The following NKAIN2 variants were observed in gnomAD, a reference collection of about 807,000 sequenced individuals.
NKAIN2 encodes sodium/potassium transporting ATPase interacting 2.
A neutral mutation model predicts 32.6 loss-of-function variants in NKAIN2; 14 were observed. The ratio of observed to expected loss-of-function variants is 0.43; its 90% CI spans 0.28 to 0.67. The LOEUF (loss-of-function observed/expected upper bound fraction) is 0.67. Among genes scored for constraint, NKAIN2 ranks in the 30% least tolerant of loss-of-function variants. The pLI, the probability that NKAIN2 is intolerant of heterozygous loss-of-function variation, is 0.17. For synonymous variants in NKAIN2, 80 were observed against 87.2 expected (o/e 0.92, Z 0.46); for missense variants, 198 against 258.3 (o/e 0.77, Z 1.60).
chr6:123,985,742 G>A (rs529243042), intron 1 of NKAIN2, among the ~76,000 whole-genome samples: 1 of 152,142 alleles, frequency 6.6e-6, no homozygotes, highest in Non-Finnish European at 1.5e-5. Flanking sequence ...AATTGAGGGT[G>A]CAAGAGTTGC....
chr6:124,505,353 G>A (rs1414087208), intron 3 of NKAIN2, among the ~76,000 whole-genome samples: 3 of 152,292 alleles, frequency 2.0e-5, no homozygotes, highest in East Asian at 1.9e-4. Context: ...AGAGCTCTGT[G>A]TAGCTCCTCT....
At chr6:124,165,505 A>AT (rs1304750860) in intron 1 of NKAIN2, among the ~76,000 whole-genome samples, 2 of 151,782 alleles carry the variant, frequency 1.3e-5, no homozygotes, top group Non-Finnish European at 2.9e-5. Context: ...CAGTTTATGT[A>AT]TTTTTTTATT....
At position 124,811,699 on chromosome 6, in the gene NKAIN2, A is replaced by T. The variant is rs948540694; in HGVS notation, c.536-6688A>T. Among the ~76,000 whole-genome samples the T allele has an allele frequency of 4.6e-5, 7 of 152,302 alleles. No homozygotes were observed. The Middle Eastern group carries it at 0.01, about 222-fold the overall frequency. On this transcript the variant is annotated intron_variant, in intron 5 of 6. Transcript: ENST00000368417. ...CAGATAAGAAAATGAAGGCAAAAAG[A>T]AAATGCACTTGCAAAGAAAATGATA... is the stretch of plus-strand genomic sequence containing the variant.
At chr6:124,522,339 C>T (rs968132460) in intron 3 of NKAIN2, among the ~76,000 whole-genome samples, 18 of 152,272 alleles carry the variant, frequency 1.2e-4, no homozygotes, top group African/African-American at 4.3e-4. Context: ...CATGTACACA[C>T]TCTTCGTTAT....
chr6:124,064,505 T>G (rs956888220), intron 1 of NKAIN2, among the ~76,000 whole-genome samples: 1 of 151,934 alleles, frequency 6.6e-6, no homozygotes, highest in Non-Finnish European at 1.5e-5. Flanking sequence ...CAGAAACATT[T>G]TAGGCCATTT....
At chr6:124,378,684 C>T (rs978296257) in intron 3 of NKAIN2, among the ~76,000 whole-genome samples, 2 of 152,064 alleles carry the variant, frequency 1.3e-5, no homozygotes, top group African/African-American at 4.8e-5. Flanking sequence ...TTTGTCACTG[C>T]GCTTCCTCCA....
intron 1 of NKAIN2, among the ~76,000 whole-genome samples, chr6:123,932,611 G>A (rs923242062): frequency 1.3e-5 from 2 of 151,682 alleles, no homozygotes; most frequent in Non-Finnish European, 2.9e-5. Flanking sequence ...TAGAGACGGG[G>A]TTTCACCGTG....
At chr6:124,166,310 G>A (rs1346894417) in intron 1 of NKAIN2, among the ~76,000 whole-genome samples, 1 of 151,994 alleles carries the variant, frequency 6.6e-6, no homozygotes, top group Non-Finnish European at 1.5e-5. Context: ...CTGCATAAAT[G>A]TCTTCTTTTG....
chr6:124,499,145 G>A (rs1340644336), intron 3 of NKAIN2, among the ~76,000 whole-genome samples: 1 of 152,136 alleles, frequency 6.6e-6, no homozygotes, highest in East Asian at 1.9e-4. Flanking sequence ...TGGATTAGAT[G>A]ATTGCTACAA....
chr6:124,352,075 C>T (rs1382773964), intron 2 of NKAIN2, among the ~76,000 whole-genome samples: 1 of 152,118 alleles, frequency 6.6e-6, no homozygotes, highest in Non-Finnish European at 1.5e-5. Context: ...TACTAAGAAG[C>T]CTATTTTATA....
chr6:124,515,708 T>TATTTCCCTTCTTTCTTTG lies in NKAIN2; in HGVS notation c.274-142478_274-142477insATTTCCCTTCTTTCTTTG, dbSNP rs1778884180. Among the ~76,000 whole-genome samples, 4 of 3,448 alleles carry TATTTCCCTTCTTTCTTTG rather than the reference T, an allele frequency of 1.2e-3. 1 individual carries two copies. The highest frequency in any genetic ancestry group is 0.023 in the Non-Finnish European group (2 of 88). The allele number at this position is 3,448 out of a possible 152,430, so 2.3% of individuals were successfully genotyped here. On this transcript the variant is annotated intron_variant, in intron 3 of 6. Transcript: ENST00000368417. ...ACTTCCCTACTTCATTTTTCTTCGC[T>TATTTCCCTTCTTTCTTTG]TTCTCTCCGTCTCGCTCTGTCGCCC...
At chr6:124,138,448 A>G (rs1786945701) in intron 1 of NKAIN2, among the ~76,000 whole-genome samples, 3 of 152,166 alleles carry the variant, frequency 2.0e-5, no homozygotes, top group Non-Finnish European at 2.9e-5. Context: ...TAAAGAACTA[A>G]AAGTAGAACT....
chr6:124,709,930 C>T (rs1442250263), intron 4 of NKAIN2, among the ~76,000 whole-genome samples: 1 of 152,028 alleles, frequency 6.6e-6, no homozygotes, highest in Non-Finnish European at 1.5e-5. Context: ...GTTAGGGTGT[C>T]AATTTTGGAT....
intron 4 of NKAIN2, among the ~76,000 whole-genome samples, chr6:124,788,418 C>G (rs1009970783): frequency 1.3e-5 from 2 of 152,034 alleles, no homozygotes; most frequent in Non-Finnish European, 2.9e-5. Context: ...GGATTCGTCT[C>G]TTCTCACACT....
chr6:124,340,370 CT>C (rs1437400787), intron 2 of NKAIN2, among the ~76,000 whole-genome samples: 2 of 151,934 alleles, frequency 1.3e-5, no homozygotes, highest in East Asian at 3.9e-4. Flanking sequence ...ATCCCTAGGC[CT>C]TTTCTTTTTT....
intron 3 of NKAIN2, among the ~76,000 whole-genome samples, chr6:124,366,623 C>A (rs1799528154): frequency 6.6e-6 from 1 of 152,032 alleles, no homozygotes; most frequent in South Asian, 2.1e-4. Context: ...GTGTGATTGT[C>A]AAATAACAGA....
intron 3 of NKAIN2, chr6:124,437,872 ATTTTTT>A (rs374033234): frequency 2.6e-5 from 9 of 344,304 alleles, no homozygotes; most frequent in South Asian, 6.7e-5. Context: ...TGATCTATTG[ATTTTTT>A]TTTTTTTTTT....
At chr6:124,655,406 C>CT (rs35165502) in intron 3 of NKAIN2, among the ~76,000 whole-genome samples, 23 of 151,862 alleles carry the variant, frequency 1.5e-4, no homozygotes, top group East Asian at 9.7e-4. Flanking sequence ...TGACAAGACT[C>CT]TTTTTTTTGG....
chr6:124,552,298 T>G (rs1780318102), intron 3 of NKAIN2, among the ~76,000 whole-genome samples: 1 of 152,232 alleles, frequency 6.6e-6, no homozygotes, highest in Non-Finnish European at 1.5e-5. Flanking sequence ...GGATAGAAGA[T>G]GGCTTGCCTT....
Sources: allele counts gnomAD v4.1 joint callset (sites outside exome capture counted in the v4.1 genomes callset), GRCh38; gene constraint gnomAD v4.1.1; transcripts MANE v1.5; gene names NCBI Gene and HGNC (gene_info 2026-07-23, HGNC 2026-07-21).